SLC25A48: variants seen among roughly 807,000 people sequenced by gnomAD.
The protein encoded by SLC25A48 is CTC-321K16.1.
A neutral mutation model predicts 32.2 loss-of-function variants in SLC25A48; 29 were observed. The ratio of observed to expected loss-of-function variants is 0.90; its 90% CI spans 0.67 to 1.23. SLC25A48 has a LOEUF of 1.23. Ranked by LOEUF, SLC25A48 falls within the 50% of genes most tolerant of loss-of-function variation. SLC25A48 has a pLI of 0.00. For missense variants in SLC25A48, 399 were observed against 422.7 expected, an observed-to-expected ratio of 0.94 and a Z score of 0.49; for synonymous variants, 164 against 172.3, an observed-to-expected ratio of 0.95 and a Z score of 0.38.
rs1248306784 is a variant in SLC25A48, at chr5:135,629,637, G to A, written c.-709+261G>A. ...TAGCCAGCAGGCTGACTCTGTGGGC[G>A]CCTGAGGATGCATCAGGCTCAACAG... On this transcript the variant is annotated intron_variant, in intron 2 of 10. Transcript: ENST00000646290. The surrounding 1 kb of genome is among the most constrained non-coding windows in gnomAD (Gnocchi z 4.8). Among the ~76,000 whole-genome samples, 9 of 152,214 alleles carry A rather than the reference G, an allele frequency of 5.9e-5. No individual in the cohort carries two copies. The highest frequency in any genetic ancestry group is 2.0e-4 in the Admixed American group (3 of 15,282).
intron 7 of SLC25A48, among the ~76,000 whole-genome samples, chr5:135,884,857 A>G (rs1762660781): frequency 6.7e-6 from 1 of 149,634 alleles, no homozygotes; most frequent in African/African-American, 2.5e-5. Context: ...AGATGCAACA[A>G]CCACCTTCTT....
chr5:135,693,655 G>A (rs1561793341), intron 3 of SLC25A48, among the ~76,000 whole-genome samples: 1 of 152,190 alleles, frequency 6.6e-6, no homozygotes, highest in Non-Finnish European at 1.5e-5. Flanking sequence ...GACACCACCC[G>A]TGCCAAGCAG....
intron 6 of SLC25A48, among the ~76,000 whole-genome samples, chr5:135,878,797 G>A (rs1015422965): frequency 6.6e-6 from 1 of 152,174 alleles, no homozygotes; most frequent in Non-Finnish European, 1.5e-5. Context: ...CAGTTCTCAA[G>A]TCATTTACGT....
At chr5:135,828,620 CTG>C in intron 4 of SLC25A48, among the ~76,000 whole-genome samples, 1 of 152,354 alleles carries the variant, frequency 6.6e-6, no homozygotes, top group East Asian at 1.9e-4. Flanking sequence ...TGCAAGGAGC[CTG>C]AGCCAGCCTC....
At chr5:135,649,032 G>C (rs1016751406) in intron 3 of SLC25A48, 3 of 152,272 alleles carry the variant, frequency 2.0e-5, no homozygotes, top group African/African-American at 4.8e-5. Context: ...GCTTCCCTCT[G>C]GGAGAGCCCT....
chr5:135,711,397 G>A (rs757026175), intron 3 of SLC25A48, among the ~76,000 whole-genome samples: 3 of 152,108 alleles, frequency 2.0e-5, no homozygotes, highest in Non-Finnish European at 4.4e-5. Context: ...TCGAGAAGAC[G>A]GGGGAAACCA....
chr5:135,781,880 G>T (rs1202720820), intron 3 of SLC25A48, among the ~76,000 whole-genome samples: 1 of 113,718 alleles, frequency 8.8e-6, no homozygotes, highest in Non-Finnish European at 2.2e-5. Flanking sequence ...ATTGCAGGGG[G>T]TGTTCACTTC....
At chr5:135,583,756 C>T (rs1045285792) in intron 1 of SLC25A48, among the ~76,000 whole-genome samples, 2 of 152,144 alleles carry the variant, frequency 1.3e-5, no homozygotes, top group African/African-American at 4.8e-5. Context: ...CCCCAAAATA[C>T]CTGCTTCCAT....
intron 1 of SLC25A48, among the ~76,000 whole-genome samples, chr5:135,594,665 A>G (rs1751605280): frequency 6.6e-6 from 1 of 152,162 alleles, no homozygotes; most frequent in Non-Finnish European, 1.5e-5. Context: ...CCCAAGGGGA[A>G]GAGCAAAAGC....
intron 3 of SLC25A48, among the ~76,000 whole-genome samples, chr5:135,694,221 T>C (rs1580790991): frequency 1.3e-5 from 2 of 152,286 alleles, no homozygotes; most frequent in Admixed American, 1.3e-4. Flanking sequence ...CTGGGCGGCC[T>C]GGTATGCTGT....
chr5:135,763,492 A>G (rs1205950840), intron 3 of SLC25A48, among the ~76,000 whole-genome samples: 1 of 152,054 alleles, frequency 6.6e-6, no homozygotes, highest in Non-Finnish European at 1.5e-5. Context: ...CTGTTTACCC[A>G]GCCCCAGATC....
chr5:135,843,899 C>T (rs1172314229), intron 2 of SLC25A48, among the ~76,000 whole-genome samples: 2 of 152,156 alleles, frequency 1.3e-5, no homozygotes, highest in East Asian at 3.9e-4. Context: ...TCCTGCCAGC[C>T]CTGCACACCC....
intron 7 of SLC25A48, among the ~76,000 whole-genome samples, chr5:135,886,673 T>TGAGA (rs368347571): frequency 8.0e-4 from 26 of 32,688 alleles, no homozygotes; most frequent in South Asian, 7.0e-3. Context: ...TGTGTGTGTG[T>TGAGA]GAGAGAGAGA....
intron 3 of SLC25A48, among the ~76,000 whole-genome samples, chr5:135,802,649 T>A (rs1459597184): frequency 2.6e-5 from 4 of 151,506 alleles, no homozygotes; most frequent in Non-Finnish European, 4.4e-5. Context: ...CCCTGTGATA[T>A]TATTCATAAT....
chr5:135,721,173 C>G (rs971029057), intron 3 of SLC25A48, among the ~76,000 whole-genome samples: 2 of 122,558 alleles, frequency 1.6e-5, no homozygotes, highest in African/African-American at 2.8e-5. Flanking sequence ...TCCAGAGTAG[C>G]TGGGACACCA....
chr5:135,706,634 G>T (rs1754514870), intron 3 of SLC25A48, among the ~76,000 whole-genome samples: 2 of 152,182 alleles, frequency 1.3e-5, no homozygotes, highest in African/African-American at 4.8e-5. Context: ...TGCGCATGGA[G>T]AAAGGGCACC....
chr5:135,777,682 C>A (rs1208851267), intron 3 of SLC25A48, among the ~76,000 whole-genome samples: 1 of 150,796 alleles, frequency 6.6e-6, no homozygotes, highest in Non-Finnish European at 1.5e-5. Context: ...CAGGTGTACA[C>A]CACCTGTGTA....
At chr5:135,765,321 G>A (rs34712574) in intron 3 of SLC25A48, among the ~76,000 whole-genome samples, 45,646 of 149,906 alleles carry the variant, frequency 0.3, 7,020 homozygotes, top group East Asian at 0.46. Context: ...TTTCCATATC[G>A]TGGGGGGTGT....
At chr5:135,864,622 G>A (rs1761053717) in intron 4 of SLC25A48, among the ~76,000 whole-genome samples, 1 of 152,182 alleles carries the variant, frequency 6.6e-6, no homozygotes, top group Non-Finnish European at 1.5e-5. Context: ...GAAGGGAGGA[G>A]GTTTGTGGAG....
Sources: gnomAD v4.1 joint callset for allele counts (sites outside exome capture counted in the v4.1 genomes callset) on GRCh38, gnomAD v4.1.1 for gene constraint, Gnocchi (gnomAD v3.1) non-coding constraint, MANE v1.5 for transcripts, NCBI Gene and HGNC (gene_info 2026-07-23, HGNC 2026-07-21) for gene names.